Variants in FHIP2A observed in about 807,000 individuals in gnomAD.
FHIP2A encodes the protein family with sequence similarity 160 member B1.
In FHIP2A, 46 loss-of-function variants were observed where a neutral mutation model predicts 93.5. The ratio of observed to expected loss-of-function variants is 0.49; its 90% CI spans 0.39 to 0.63. FHIP2A has a LOEUF of 0.63. FHIP2A is among the 20% of genes least tolerant of loss of function. FHIP2A has a pLI of 0.00. For missense variants in FHIP2A, 769 were observed against 909.7 expected (o/e 0.85, Z 1.99); for synonymous variants, 332 against 326.5 (o/e 1.02, Z -0.18).
chr10:114,891,033 A>G (rs910676788), intron 16 of FHIP2A, among the ~76,000 whole-genome samples: 2 of 151,284 alleles, frequency 1.3e-5, no homozygotes, highest in Non-Finnish European at 2.9e-5. Flanking sequence ...CTCTACAAAA[A>G]AATTTTTTTA....
rs1358722362 is a variant in FHIP2A at position 114,872,435 on chromosome 10, G to A, written c.2192+11101G>A. Among the ~76,000 whole-genome samples, 3 of 152,074 alleles carry A rather than the reference G, an allele frequency of 2.0e-5. No individual in the cohort carries two copies. In the East Asian group the frequency reaches 5.8e-4, roughly 29 times the overall value. On this transcript the variant is annotated intron_variant, in intron 16 of 16. Coordinates refer to the FHIP2A transcript ENST00000369250. ...CACAATTTAATTATGGTTCTTTTTT[G>A]TATGAGATTGGCCCTGTGACTAAAA...
intron 5 of FHIP2A, among the ~76,000 whole-genome samples, chr10:114,841,299 T>G (rs2143010944): frequency 6.6e-6 from 1 of 150,672 alleles, no homozygotes; most frequent in East Asian, 1.9e-4. Flanking sequence ...TTGGTTTTTT[T>G]TTTTTTTTTT....
At chr10:114,837,454 G>T (rs1472682749) in intron 5 of FHIP2A, among the ~76,000 whole-genome samples, 1 of 152,208 alleles carries the variant, frequency 6.6e-6, no homozygotes, top group Non-Finnish European at 1.5e-5. Flanking sequence ...GGTGGAGGTT[G>T]CAGTGAGCCA....
chr10:114,821,902 G>A lies in FHIP2A; in HGVS notation c.-177G>A. ...CGGCGCCCTCCGGAGCCGCCGAGCC[G>A]CCCGCGCACACCTGAAGCGGCCGGG... On this transcript the variant is annotated 5_prime_UTR_variant, in exon 1 of 17. Coordinates refer to ENST00000369248, the MANE Select transcript of FHIP2A (RefSeq NM_020940.4). 1.6e-5 allele frequency: 5 copies of A among 316,828 alleles called. No individual in the cohort carries two copies. Among genetic ancestry groups the A allele is most frequent in the African/African-American group, 2.2e-5 (1 of 45,422 alleles). The allele number at this position is 316,828 out of a possible 1,614,324, so 19.6% of individuals were successfully genotyped here.
chr10:114,832,821 C>T (rs1430827213), intron 2 of FHIP2A, among the ~76,000 whole-genome samples: 1 of 151,444 alleles, frequency 6.6e-6, no homozygotes, highest in Non-Finnish European at 1.5e-5. Context: ...AAGAGATTCT[C>T]CTGCCTCAGC....
intron 5 of FHIP2A, among the ~76,000 whole-genome samples, chr10:114,839,073 A>G (rs1266661243): frequency 1.3e-5 from 2 of 152,274 alleles, no homozygotes; most frequent in Non-Finnish European, 1.5e-5. Context: ...AATGCATAGG[A>G]ACTGCTCAGT....
chr10:114,861,548 C>T lies in FHIP2A; in HGVS notation c.*8C>T, dbSNP rs1234873354. 1.2e-6 allele frequency: 2 copies of T among 1,612,268 alleles called. No individual in the cohort carries two copies. The highest frequency in any genetic ancestry group is 1.7e-6 in the Non-Finnish European group (2 of 1,179,800). On this transcript the variant is annotated 3_prime_UTR_variant, in exon 17 of 17. Transcript: ENST00000369248. Reference sequence around the variant, plus strand: ...GCTTCCTCCACACCATAAATAACATCTTTCATGTAACTGGGGGAACAGAAC... The same window carrying T: ...GCTTCCTCCACACCATAAATAACATTTTTCATGTAACTGGGGGAACAGAAC...
In FHIP2A at chr10:114,863,578, A is replaced by T; in HGVS notation, c.*2038A>T. 8.1e-7 allele frequency: 1 copy of T among 1,239,622 alleles called. No homozygotes were observed. Among genetic ancestry groups the T allele is most frequent in the Middle Eastern group, 3.5e-4 (1 of 2,832 alleles). 76.8% of individuals were successfully genotyped at this position (1,239,622 alleles called of 1,614,324 possible). A position where few individuals can be genotyped will look rare whatever the true frequency, so the allele number is the denominator to read the frequency against. Reference sequence around the variant, plus strand: ...GTTGTAATGACTTTAATTTGTAATCAGCTAAGGCTTAAGATTTCATTTGTT... The same window carrying T: ...GTTGTAATGACTTTAATTTGTAATCTGCTAAGGCTTAAGATTTCATTTGTT... On this transcript the variant is annotated 3_prime_UTR_variant, in exon 17 of 17. Transcript: ENST00000369248.
In FHIP2A at chr10:114,833,395, A is replaced by C; in HGVS notation, c.287A>C (p.Lys96Thr). The change falls in exon 3 of 17, where the codon AAA becomes ACA. Residue 96 changes from lysine to threonine, a missense_variant. By Grantham distance (78) the Lys-to-Thr change is moderately conservative. Transcript: ENST00000369248. ...TTGGAAACATTATATACCTTGGGGA[A>C]AGCTGATGTAAGTTCCTGATCCACA... ...KILETLYTLG[K>T]ADCPPGMKQQ... is the part of the protein sequence containing the mutation. 1 of 1,613,478 alleles carries C rather than the reference A, an allele frequency of 6.2e-7. No homozygotes were observed. Among genetic ancestry groups the C allele is most frequent in the Non-Finnish European group, 8.5e-7 (1 of 1,179,714 alleles).
intron 16 of FHIP2A, among the ~76,000 whole-genome samples, chr10:114,883,046 C>G (rs2083924917): frequency 6.6e-6 from 1 of 152,048 alleles, no homozygotes; most frequent in Admixed American, 6.5e-5. Flanking sequence ...GGGTAGGATG[C>G]TGGGCACTTA....
chr10:114,857,963 TGA>T (rs1435217205), intron 14 of FHIP2A, among the ~76,000 whole-genome samples: 1 of 152,210 alleles, frequency 6.6e-6, no homozygotes, highest in African/African-American at 2.4e-5. Flanking sequence ...CTGAGCATGA[TGA>T]GTTTGAATTT....
At chr10:114,853,446 G>T (rs1308268528) in intron 13 of FHIP2A, among the ~76,000 whole-genome samples, 5 of 152,136 alleles carry the variant, frequency 3.3e-5, no homozygotes, top group Non-Finnish European at 7.3e-5. Context: ...GAATTTGTCT[G>T]CATTAATACA....
At chr10:114,852,220 T>C (rs2083741421) in intron 13 of FHIP2A, among the ~76,000 whole-genome samples, 1 of 152,106 alleles carries the variant, frequency 6.6e-6, no homozygotes. Flanking sequence ...AAACCAAAAA[T>C]ATCTATCAAT....
At chr10:114,867,208 CAAA>C (rs11392511), downstream of FHIP2A, among the ~76,000 whole-genome samples, 4 of 123,774 alleles carry the variant, frequency 3.2e-5, no homozygotes, top group Non-Finnish European at 5.0e-5. Flanking sequence ...GACTCCATCT[CAAA>C]AAAAAAAAAA....
At chr10:114,888,200 G>T (rs1386259832) in intron 16 of FHIP2A, among the ~76,000 whole-genome samples, 1 of 152,172 alleles carries the variant, frequency 6.6e-6, no homozygotes, top group Non-Finnish European at 1.5e-5. Flanking sequence ...AAGTTTTCTG[G>T]TTCCCAGATG....
At chr10:114,842,237 A>G (rs2083673076) in intron 5 of FHIP2A, among the ~76,000 whole-genome samples, 2 of 151,662 alleles carry the variant, frequency 1.3e-5, no homozygotes, top group Admixed American at 1.3e-4. Context: ...ATTTTATTTT[A>G]TTTTTTTAGT....
intron 16 of FHIP2A, among the ~76,000 whole-genome samples, chr10:114,893,245 A>C (rs367646836): frequency 7.9e-5 from 12 of 152,212 alleles, no homozygotes; most frequent in East Asian, 3.8e-4. Context: ...TGATTAGATA[A>C]ACTATTGTAT....
chr10:114,864,278 A>AT lies in FHIP2A; in HGVS notation c.*2740dup. 1.0e-6 allele frequency: 1 copy of AT among 983,872 alleles called. No homozygotes were observed. Among genetic ancestry groups the AT allele is most frequent in the Non-Finnish European group, 1.2e-6 (1 of 828,054 alleles). 60.9% of individuals were successfully genotyped at this position (983,872 alleles called of 1,614,324 possible). ...TGCATTAACATACAATTGCCATTTA[A>AT]TTATGAAGTCCATCAGTATTGACAG... On this transcript the variant is annotated 3_prime_UTR_variant, in exon 17 of 17. Transcript: ENST00000369248.
chr10:114,885,430 A>G (rs982457215), intron 16 of FHIP2A, among the ~76,000 whole-genome samples: 1 of 151,316 alleles, frequency 6.6e-6, no homozygotes, highest in African/African-American at 2.4e-5. Context: ...AAAGCAGATG[A>G]CCCTTTTTCT....
Sources: gnomAD v4.1 joint callset for allele counts (sites outside exome capture counted in the v4.1 genomes callset) on GRCh38, gnomAD v4.1.1 for gene constraint, MANE v1.5 for transcripts, NCBI Gene and HGNC (gene_info 2026-07-23, HGNC 2026-07-21) for gene names.